Variants in BRIP1 observed in about 807,000 individuals in gnomAD.
BRIP1 encodes the protein Fanconi anemia group J protein.
A neutral mutation model predicts 119.7 loss-of-function variants in BRIP1; 88 were observed. The ratio of observed to expected loss-of-function variants is 0.74; its 90% CI spans 0.62 to 0.88. The LOEUF (loss-of-function observed/expected upper bound fraction) is 0.88. BRIP1 is among the 40% of genes least tolerant of loss of function. The probability of loss-of-function intolerance (pLI) is 0.00; values close to 1 mark genes in which losing one functional copy is unlikely to be tolerated. For synonymous variants in BRIP1, 443 were observed against 496.5 expected (o/e 0.89, Z 1.43); for missense variants, 1,259 against 1,455.4 (o/e 0.87, Z 2.20).
In BRIP1 at chr17:61,808,741, G is replaced by A. The variant is rs12947398; in HGVS notation, c.644C>T (p.Ser215Phe). 1.2e-6 allele frequency: 2 copies of A among 1,613,064 alleles called. No homozygotes were observed. Among genetic ancestry groups the A allele is most frequent in the Admixed American group, 1.7e-5 (1 of 60,004 alleles). ...TTGTTTAGTAGAACAACAGCACCTA[G>A]AACAGTGGCCAGGGGGCTGTAAGAA... ...FSPQKPPGHCSRCCCSTKQGN... is the reference protein window; with the variant it reads ...FSPQKPPGHCFRCCCSTKQGN... The change falls in exon 7 of 20, where the codon TCT (serine) becomes TTT (phenylalanine). Residue 215 changes from serine (S) to phenylalanine (F), a missense_variant. Coordinates refer to ENST00000259008, the MANE Select transcript of BRIP1 (RefSeq NM_032043.3). The surrounding 1 kb of genome is among the most constrained non-coding windows in gnomAD (Gnocchi z 4.1).
intron 17 of BRIP1, among the ~76,000 whole-genome samples, chr17:61,694,893 T>G (rs371817500): frequency 8.0e-4 from 121 of 151,150 alleles, no homozygotes; most frequent in African/African-American, 2.7e-3. Context: ...TATTATTAAG[T>G]TGTAAGAGTT....
chr17:61,835,965 A>G (rs372440737), intron 6 of BRIP1, among the ~76,000 whole-genome samples: 8 of 152,304 alleles, frequency 5.3e-5, no homozygotes, highest in African/African-American at 1.9e-4. Flanking sequence ...AAACGGATCT[A>G]GAAAGATCCT....
intron 16 of BRIP1, among the ~76,000 whole-genome samples, chr17:61,723,609 C>T (rs573021390): frequency 2.6e-5 from 4 of 152,120 alleles, no homozygotes; most frequent in Admixed American, 6.6e-5. Flanking sequence ...AAAGTAAGCA[C>T]CATAAACTGA....
rs761452695 is a variant in BRIP1 at position 61,793,638 on chromosome 17, G to A, written c.1432C>T (p.His478Tyr). 1.1e-5 allele frequency: 18 copies of A among 1,608,384 alleles called. No homozygotes were observed. In the South Asian group the frequency reaches 1.5e-4, roughly 14 times the overall value. Residue 478 changes from histidine to tyrosine, a missense_variant, in exon 10 of 20, where the codon CAC (histidine) becomes TAC (tyrosine). By Grantham distance (83) the His-to-Tyr change is moderately conservative. Transcript: ENST00000259008. The surrounding 1 kb of genome is among the most constrained non-coding windows in gnomAD (Gnocchi z 5.2). ...WSGNEMLLTL[H>Y]KMGITTATFP... The stretch of plus-strand genomic sequence containing the variant: ...GTAGCAGTGGTGATACCCATTTTGT[G>A]TAAAGTTAAGAGCATTTCATTTCCA...
rs1336220589 is a variant in BRIP1, at chr17:61,802,348, T to A, written c.919-874A>T. On this transcript the variant is annotated intron_variant, in intron 7 of 19. Coordinates refer to ENST00000259008, the MANE Select transcript of BRIP1 (RefSeq NM_032043.3). The surrounding 1 kb of genome is among the most constrained non-coding windows in gnomAD (Gnocchi z 6.0). ...GGTGGCGTACATCAATGGTCCTAGC[T>A]ACTCAGGAAGCTGAGGCAGGAGGAT... Among the ~76,000 whole-genome samples the A allele has an allele frequency of 6.6e-6, 1 of 152,134 alleles. No individual in the cohort carries two copies. Among genetic ancestry groups the A allele is most frequent in the African/African-American group, 2.4e-5 (1 of 41,420 alleles).
At chr17:61,855,311 C>T (rs2078880324) in intron 4 of BRIP1, among the ~76,000 whole-genome samples, 2 of 152,160 alleles carry the variant, frequency 1.3e-5, no homozygotes, top group African/African-American at 4.8e-5. Flanking sequence ...GGCGTGGTCG[C>T]TCACGCCTAT....
rs1226622987 is a variant in BRIP1, at chr17:61,724,499, C to G, written c.2380-8436G>C. 2.0e-5 allele frequency among the ~76,000 whole-genome samples: 3 copies of G among 152,042 alleles called. No homozygotes were observed. The highest frequency in any genetic ancestry group is 7.2e-5 in the African/African-American group (3 of 41,424). On this transcript the variant is annotated intron_variant, in intron 16 of 19. Transcript: ENST00000259008. This position sits in a 1 kb window ranked among gnomAD's most constrained non-coding sequence, Gnocchi z 5.1. ...AGTCAAACTCTTTGCACAAAAGTAG[C>G]CTTTTTAAAGTTTATCAGTAGCTTC... is the stretch of plus-strand genomic sequence containing the variant.
Position 61,835,696 on chromosome 17 carries a change from TA to T in BRIP1, c.627+11404del, listed in dbSNP as rs546583149. Among the ~76,000 whole-genome samples, 269 of 144,206 alleles carry T rather than the reference TA, an allele frequency of 1.9e-3. 1 individual carries two copies. The highest frequency in any genetic ancestry group is 4.7e-3 in the African/African-American group (185 of 39,482). 94.6% of individuals were successfully genotyped at this position (144,206 alleles called of 152,430 possible). A position where few individuals can be genotyped will look rare whatever the true frequency, so the allele number is the denominator to read the frequency against. On this transcript the variant is annotated intron_variant, in intron 6 of 19. Coordinates refer to ENST00000259008, the MANE Select transcript of BRIP1 (RefSeq NM_032043.3). The stretch of plus-strand genomic sequence containing the variant: ...TGACATATTTTTTCACACATACTGT[TA>T]AAAAAAAAAAATTAAAGAGAAAAAA...
rs2078715021 is a variant in BRIP1, at chr17:61,845,515, A to G, written c.627+1586T>C. ...CTGTAATATCACCAATTTCATCAGA[A>G]AAGTCTGTAGTTATCACAAAGCTGC... On this transcript the variant is annotated intron_variant, in intron 6 of 19. Transcript: ENST00000259008. This position sits in a 1 kb window ranked among gnomAD's most constrained non-coding sequence, Gnocchi z 4.2. 6.6e-6 allele frequency among the ~76,000 whole-genome samples: 1 copy of G among 152,232 alleles called. No homozygotes were observed. Among genetic ancestry groups the G allele is most frequent in the Non-Finnish European group, 1.5e-5 (1 of 68,046 alleles).
At chr17:61,811,424 T>C (rs2078160123) in intron 6 of BRIP1, among the ~76,000 whole-genome samples, 1 of 151,766 alleles carries the variant, frequency 6.6e-6, no homozygotes, top group African/African-American at 2.4e-5. Context: ...GGTTTCTCCA[T>C]GTTGGTCAAG....
rs34025065 is a variant in BRIP1, at chr17:61,729,448, G to C, written c.2380-13385C>G. Among the ~76,000 whole-genome samples the C allele has an allele frequency of 1.3e-5, 2 of 151,156 alleles. No individual in the cohort carries two copies. Among genetic ancestry groups the C allele is most frequent in the African/African-American group, 4.9e-5 (2 of 41,006 alleles). On this transcript the variant is annotated intron_variant, in intron 16 of 19. Coordinates refer to ENST00000259008, the MANE Select transcript of BRIP1 (RefSeq NM_032043.3). The surrounding 1 kb of genome is among the most constrained non-coding windows in gnomAD (Gnocchi z 5.6). Reference sequence around the variant, plus strand: ...CTATAAGAAGGAAAAAGCAGAGTAAGTGAGGTAAAATCCTGTCTCAAATAG... The same window carrying C: ...CTATAAGAAGGAAAAAGCAGAGTAACTGAGGTAAAATCCTGTCTCAAATAG...
Position 61,684,725 on chromosome 17 carries a change from ATATACTACAAAATACATGT to A in BRIP1, c.2906-604_2906-586del, listed in dbSNP as rs1470607197. ...ATTGTATTACTATTTTGTAGTACTT[ATATACTACAAAATACATGT>A]TTAAAAATTGATGTTTTTCTTTTTT... is the stretch of plus-strand genomic sequence containing the variant. On this transcript the variant is annotated intron_variant, in intron 19 of 19. Transcript: ENST00000259008. This position sits in a 1 kb window ranked among gnomAD's most constrained non-coding sequence, Gnocchi z 4.5. 2 of 152,108 alleles carry A rather than the reference ATATACTACAAAATACATGT, an allele frequency of 1.3e-5. No individual in the cohort carries two copies. The highest frequency in any genetic ancestry group is 2.9e-5 in the Non-Finnish European group (2 of 68,060). 9.4% of individuals were successfully genotyped at this position (152,108 alleles called of 1,614,324 possible). A position where few individuals can be genotyped will look rare whatever the true frequency, so the allele number is the denominator to read the frequency against.
At chr17:61,719,837 G>GT (rs1366509482) in intron 16 of BRIP1, among the ~76,000 whole-genome samples, 1 of 151,796 alleles carries the variant, frequency 6.6e-6, no homozygotes, top group Non-Finnish European at 1.5e-5. Flanking sequence ...TTTTTGTCTT[G>GT]TTTTTTTGAG....
Position 61,682,126 on chromosome 17 carries a change from C to T in BRIP1, c.*1170G>A. On this transcript the variant is annotated 3_prime_UTR_variant, in exon 20 of 20. Transcript: ENST00000259008. This position sits in a 1 kb window ranked among gnomAD's most constrained non-coding sequence, Gnocchi z 4.9. Reference sequence around the variant, plus strand: ...AATTCACAGAAAGGATTACTGTGCCCTAAGGAAACATATTTTAGCTGCAGC... The same window carrying T: ...AATTCACAGAAAGGATTACTGTGCCTTAAGGAAACATATTTTAGCTGCAGC... The T allele has an allele frequency of 4.9e-6, 1 of 203,368 alleles. No homozygotes were observed. The highest frequency in any genetic ancestry group is 1.0e-5 in the Non-Finnish European group (1 of 99,198). The allele number at this position is 203,368 out of a possible 1,614,324, so 12.6% of individuals were successfully genotyped here. A position where few individuals can be genotyped will look rare whatever the true frequency, so the allele number is the denominator to read the frequency against.
rs1036058263 is a variant in BRIP1, at chr17:61,724,427, C to T, written c.2380-8364G>A. Among the ~76,000 whole-genome samples the T allele has an allele frequency of 7.9e-5, 12 of 152,044 alleles. No individual in the cohort carries two copies. The highest frequency in any genetic ancestry group is 2.4e-4 in the African/African-American group (10 of 41,392). On this transcript the variant is annotated intron_variant, in intron 16 of 19. Coordinates refer to ENST00000259008, the MANE Select transcript of BRIP1 (RefSeq NM_032043.3). This position sits in a 1 kb window ranked among gnomAD's most constrained non-coding sequence, Gnocchi z 5.1. ...AAAAGGATTATACTGCATATGTCAA[C>T]GAGAAATTAAGGTCACAATTATTAA...
intron 6 of BRIP1, among the ~76,000 whole-genome samples, chr17:61,821,861 G>A (rs920571327): frequency 6.6e-6 from 1 of 152,056 alleles, no homozygotes; most frequent in African/African-American, 2.4e-5. Flanking sequence ...AAGTAGCTGG[G>A]GCTACAGGTG....
Position 61,857,349 on chromosome 17 carries a change from A to G in BRIP1, c.206-118T>C, listed in dbSNP as rs2078912953. 5 of 904,896 alleles carry G rather than the reference A, an allele frequency of 5.5e-6. No homozygotes were observed. The highest frequency in any genetic ancestry group is 3.4e-4 in the Middle Eastern group (1 of 2,924). 56.1% of individuals were successfully genotyped at this position (904,896 alleles called of 1,614,324 possible). A position where few individuals can be genotyped will look rare whatever the true frequency, so the allele number is the denominator to read the frequency against. On this transcript the variant is annotated intron_variant, in intron 3 of 19. Coordinates refer to ENST00000259008, the MANE Select transcript of BRIP1 (RefSeq NM_032043.3). The surrounding 1 kb of genome is among the most constrained non-coding windows in gnomAD (Gnocchi z 5.1). ...CCTAAGATAAAAGATTTTTAGGGCT[A>G]ACACCAGGAAGGTACCTGGCAAACC...
chr17:61,736,467 C>T lies in BRIP1; in HGVS notation c.2379+6546G>A, dbSNP rs1200309865. ...AAGATGCTGTTGAGGATTGAGCATT[C>T]CCTTCTACATATCCTCTAATGATTT... On this transcript the variant is annotated intron_variant, in intron 16 of 19. Coordinates refer to ENST00000259008, the MANE Select transcript of BRIP1 (RefSeq NM_032043.3). The surrounding 1 kb of genome is among the most constrained non-coding windows in gnomAD (Gnocchi z 4.4). Among the ~76,000 whole-genome samples, 1 of 152,052 alleles carries T rather than the reference C, an allele frequency of 6.6e-6. No homozygotes were observed. Among genetic ancestry groups the T allele is most frequent in the Non-Finnish European group, 1.5e-5 (1 of 68,000 alleles).
At chr17:61,747,420 GA>G (rs540481525) in intron 14 of BRIP1, among the ~76,000 whole-genome samples, 11 of 144,368 alleles carry the variant, frequency 7.6e-5, no homozygotes, top group Middle Eastern at 3.3e-3. Context: ...ATTGGTTAAG[GA>G]AAAAAAAAAG....
Sources: gnomAD v4.1 joint callset for allele counts (sites outside exome capture counted in the v4.1 genomes callset) on GRCh38, gnomAD v4.1.1 for gene constraint, Gnocchi (gnomAD v3.1) non-coding constraint, MANE v1.5 for transcripts, NCBI Gene and HGNC (gene_info 2026-07-23, HGNC 2026-07-21) for gene names.